The following PDE7A variants were observed in gnomAD, a reference collection of about 807,000 sequenced individuals.
The protein encoded by PDE7A is high affinity 3',5'-cyclic-AMP phosphodiesterase 7A.
In PDE7A, 39 loss-of-function variants were observed where a neutral mutation model predicts 64.3. The observed-to-expected ratio is 0.61, with a 90% CI of 0.47 to 0.79. The LOEUF (loss-of-function observed/expected upper bound fraction) is 0.79, where lower values mean the gene tolerates loss of function less well. Among genes scored for constraint, PDE7A ranks in the 30% least tolerant of loss-of-function variants. The probability of loss-of-function intolerance (pLI) is 0.00; values close to 1 mark genes in which losing one functional copy is unlikely to be tolerated. For missense variants in PDE7A, 470 were observed against 582.8 expected (o/e 0.81, Z 1.99); for synonymous variants, 203 against 206.8 (o/e 0.98, Z 0.16).
intron 3 of PDE7A, among the ~76,000 whole-genome samples, chr8:65,767,926 G>C (rs1275058470): frequency 2.6e-5 from 4 of 152,220 alleles, no homozygotes; most frequent in Admixed American, 6.5e-5. Flanking sequence ...TGGTCGGTCA[G>C]AAGTTCCAGA....
chr8:65,823,724 A>C (rs1024298758), intron 1 of PDE7A, among the ~76,000 whole-genome samples: 1 of 152,184 alleles, frequency 6.6e-6, no homozygotes, highest in African/African-American at 2.4e-5. Context: ...CCAATGCAAT[A>C]TATTAAAATC....
At chr8:65,764,268 A>T (rs1808657049) in intron 3 of PDE7A, among the ~76,000 whole-genome samples, 1 of 152,218 alleles carries the variant, frequency 6.6e-6, no homozygotes, top group Non-Finnish European at 1.5e-5. Context: ...ACCTGATATG[A>T]CTTCAAGAGA....
intron 7 of PDE7A, 96 bp from the exon 8 acceptor site, chr8:65,727,397 G>A: frequency 6.6e-7 from 1 of 1,525,994 alleles, no homozygotes; most frequent in Non-Finnish European, 8.8e-7. Context: ...TGGTAGTGGT[G>A]GTAATCTCCT....
chr8:65,821,768 C>T (rs1481345209), intron 1 of PDE7A, among the ~76,000 whole-genome samples: 2 of 152,180 alleles, frequency 1.3e-5, no homozygotes, highest in Non-Finnish European at 2.9e-5. Flanking sequence ...TATCTAAAAA[C>T]TATAAAATAT....
At chr8:65,805,023 T>C (rs1810079765) in intron 1 of PDE7A, among the ~76,000 whole-genome samples, 1 of 151,944 alleles carries the variant, frequency 6.6e-6, no homozygotes, top group Admixed American at 6.6e-5. Context: ...AAAAAATTTT[T>C]GGTAGAGATG....
At chr8:65,824,346 C>T (rs558808813) in intron 1 of PDE7A, among the ~76,000 whole-genome samples, 7 of 152,158 alleles carry the variant, frequency 4.6e-5, no homozygotes, top group East Asian at 3.9e-4. Flanking sequence ...AAGTGGTTTC[C>T]GGAGTTGAAA....
At chr8:65,786,531 A>C (rs1809563350) in intron 1 of PDE7A, among the ~76,000 whole-genome samples, 1 of 152,262 alleles carries the variant, frequency 6.6e-6, no homozygotes, top group Non-Finnish European at 1.5e-5. Context: ...CCTCCGTGTT[A>C]GAATCATGTT....
At chr8:65,810,005 C>G (rs191748745) in intron 1 of PDE7A, among the ~76,000 whole-genome samples, 3 of 152,198 alleles carry the variant, frequency 2.0e-5, no homozygotes, top group Admixed American at 2.0e-4. Context: ...GGGTATATAC[C>G]CCAAGGATTA....
rs1367653576 is a variant in PDE7A at position 65,718,565 on chromosome 8, C to G, written c.*725G>C. On this transcript the variant is annotated 3_prime_UTR_variant, in exon 13 of 13. Coordinates refer to ENST00000401827, the MANE Select transcript of PDE7A (RefSeq NM_001242318.3). ...TTCCCCTCCCACCCCAAATTAAAAA[C>G]TAATTGCTAAAAAAAATTGCATTGC... The G allele has an allele frequency of 6.6e-6, 1 of 152,360 alleles. No individual in the cohort carries two copies. The highest frequency in any genetic ancestry group is 1.5e-5 in the Non-Finnish European group (1 of 68,146). The allele number at this position is 152,360 out of a possible 1,614,324, so 9.4% of individuals were successfully genotyped here. A position where few individuals can be genotyped will look rare whatever the true frequency, so the allele number is the denominator to read the frequency against.
At chr8:65,809,781 T>C (rs1296502980) in intron 1 of PDE7A, among the ~76,000 whole-genome samples, 1 of 152,098 alleles carries the variant, frequency 6.6e-6, no homozygotes, top group Non-Finnish European at 1.5e-5. Flanking sequence ...GAAATACTAA[T>C]CAAAACCACA....
intron 2 of PDE7A, 109 bp downstream of exon 2, chr8:65,782,674 C>CTA: frequency 1.6e-6 from 1 of 637,526 alleles, no homozygotes; most frequent in South Asian, 2.0e-5. Context: ...TAGGTTATTT[C>CTA]TACTACAAAC....
intron 1 of PDE7A, among the ~76,000 whole-genome samples, chr8:65,810,896 T>C (rs1810244204): frequency 6.6e-6 from 1 of 152,170 alleles, no homozygotes; most frequent in Non-Finnish European, 1.5e-5. Context: ...ATAAACTTAA[T>C]ATACAACTGA....
intron 1 of PDE7A, among the ~76,000 whole-genome samples, chr8:65,839,187 C>T (rs1811017136): frequency 6.7e-6 from 1 of 150,368 alleles, no homozygotes; most frequent in Non-Finnish European, 1.5e-5. Context: ...TTTTAAAGTA[C>T]AAAAACTGTA....
intron 5 of PDE7A, among the ~76,000 whole-genome samples, chr8:65,741,789 T>C (rs1357262963): frequency 6.6e-6 from 1 of 152,216 alleles, no homozygotes; most frequent in Non-Finnish European, 1.5e-5. Context: ...TAGATTATCA[T>C]AAGGTTCTCC....
At chr8:65,813,270 A>G (rs1188663584) in intron 1 of PDE7A, among the ~76,000 whole-genome samples, 12 of 152,208 alleles carry the variant, frequency 7.9e-5, no homozygotes, top group Admixed American at 7.9e-4. Flanking sequence ...AGGAATGTAA[A>G]TATATATGCA....
chr8:65,729,602 T>C (rs145881414), intron 7 of PDE7A, among the ~76,000 whole-genome samples: 2,061 of 152,210 alleles, frequency 0.014, 17 homozygotes, highest in South Asian at 0.041. Flanking sequence ...GTCTTGCTGA[T>C]GCCCAGCCTG....
In PDE7A at chr8:65,717,710, A is replaced by C. The variant is rs1033533335; in HGVS notation, c.*1580T>G. ...TGAAAAGATAGGTTTTTATTCATCA[A>C]AAGTTAACAGCAACAGGCACATATT... On this transcript the variant is annotated 3_prime_UTR_variant, in exon 13 of 13. Coordinates refer to ENST00000401827, the MANE Select transcript of PDE7A (RefSeq NM_001242318.3). The C allele has an allele frequency of 6.6e-6, 1 of 152,248 alleles. No homozygotes were observed. Among genetic ancestry groups the C allele is most frequent in the Non-Finnish European group, 1.5e-5 (1 of 68,044 alleles). The allele number at this position is 152,248 out of a possible 1,614,324, so 9.4% of individuals were successfully genotyped here. A position where few individuals can be genotyped will look rare whatever the true frequency, so the allele number is the denominator to read the frequency against.
At position 65,767,726 on chromosome 8, in the gene PDE7A, C is replaced by T. The variant is rs528852002; in HGVS notation, c.283+11994G>A. On this transcript the variant is annotated intron_variant, in intron 3 of 12. Transcript: ENST00000401827. ...ACATGTAGAGTTTCTTGGAGGGTGG[C>T]GTCCCAGGGAAGGCATGGAAGTTCT... Among the ~76,000 whole-genome samples the T allele has an allele frequency of 1.2e-3, 188 of 152,194 alleles. 1 individual carries two copies. Among genetic ancestry groups the T allele is most frequent in the Non-Finnish European group, 2.3e-3 (155 of 68,012 alleles).
rs187341909 is a variant in PDE7A at position 65,809,940 on chromosome 8, G to T, written c.139-27097C>A. On this transcript the variant is annotated intron_variant, in intron 1 of 12. Coordinates refer to ENST00000401827, the MANE Select transcript of PDE7A (RefSeq NM_001242318.3). ...CAACCATTGTGGAAGACAGTGTGGC[G>T]ATTCCTCAAGGATCTAGAACTAGAA... Among the ~76,000 whole-genome samples, 1,445 of 152,224 alleles carry T rather than the reference G, an allele frequency of 9.5e-3. 13 individuals are homozygous for T. The highest frequency in any genetic ancestry group is 0.015 in the Non-Finnish European group (1,023 of 68,010).
Sources: gnomAD v4.1 joint callset for allele counts (sites outside exome capture counted in the v4.1 genomes callset) on GRCh38, gnomAD v4.1.1 for gene constraint, MANE v1.5 for transcripts, NCBI Gene and HGNC (gene_info 2026-07-23, HGNC 2026-07-21) for gene names.